The following SCN1A variants were observed in gnomAD, a reference collection of about 807,000 sequenced individuals.
SCN1A encodes sodium channel protein type 1 subunit alpha.
SCN1A carries 13 observed loss-of-function variants against 193.7 expected under a neutral mutation model. The ratio of observed to expected loss-of-function variants is 0.07; its 90% CI spans 0.04 to 0.11. The LOEUF (loss-of-function observed/expected upper bound fraction) is 0.11, where lower values mean the gene tolerates loss of function less well. Among genes scored for constraint, SCN1A ranks in the 10% least tolerant of loss-of-function variants. The pLI is 1.00. For synonymous variants in SCN1A, 781 were observed against 843.6 expected, an observed-to-expected ratio of 0.93 and a Z score of 1.29; for missense variants, 1,432 against 2,451.1, an observed-to-expected ratio of 0.58 and a Z score of 8.78.
intron 18 of SCN1A, 47 bp downstream of exon 18, chr2:166,037,729 G>A (rs1177901857): frequency 6.5e-7 from 1 of 1,543,782 alleles, no homozygotes; most frequent in African/African-American, 1.4e-5. Flanking sequence ...GTATACATGT[G>A]CCATGCTGGT....
At chr2:166,002,983 GT>G in intron 23 of SCN1A, 2 of 320,404 alleles carry the variant, frequency 6.2e-6, no homozygotes, top group East Asian at 5.0e-5. Flanking sequence ...AAACAAAAAT[GT>G]TTTTAAAAAA....
chr2:166,017,200 G>C (rs1185613329), intron 19 of SCN1A, among the ~76,000 whole-genome samples: 2 of 151,430 alleles, frequency 1.3e-5, no homozygotes, highest in Non-Finnish European at 3.0e-5. Flanking sequence ...ACATTAAATA[G>C]GCCTGCATAC....
intron 28 of SCN1A, 160 bp downstream of exon 28, chr2:165,993,986 T>C: frequency 1.6e-6 from 1 of 640,672 alleles, no homozygotes; most frequent in East Asian, 2.7e-5. Flanking sequence ...TGACATATAG[T>C]AGGAGACATT....
chr2:166,035,419 T>C (rs536824773), intron 19 of SCN1A, among the ~76,000 whole-genome samples: 1 of 152,280 alleles, frequency 6.6e-6, no homozygotes, highest in African/African-American at 2.4e-5. Context: ...TTAAATCTTT[T>C]GTTCCTCAGT....
At chr2:166,094,841 C>G (rs765160688) in intron 2 of SCN1A, among the ~76,000 whole-genome samples, 2 of 121,816 alleles carry the variant, frequency 1.6e-5, no homozygotes, top group African/African-American at 6.1e-5. Context: ...CCTGTGTAGT[C>G]TATGGGATCT....
rs182207375 is a variant in SCN1A at position 165,996,154 on chromosome 2, T to C, written c.4477-37A>G. On this transcript the variant is annotated intron_variant, in intron 26 of 28. Transcript: ENST00000674923. ...AAAAATCAAACTGGTTAAAACTGTG[T>C]CCTTTTGTACATTTTTTTCAATGTT... is the stretch of plus-strand genomic sequence containing the variant. 1.2e-3 allele frequency: 1,584 copies of C among 1,305,316 alleles called. 15 individuals are homozygous for C. In the African/African-American group the frequency reaches 0.02, roughly 17 times the overall value. 80.9% of individuals were successfully genotyped at this position (1,305,316 alleles called of 1,614,324 possible). A position where few individuals can be genotyped will look rare whatever the true frequency, so the allele number is the denominator to read the frequency against.
chr2:166,039,255 A>G (rs1452085233), intron 17 of SCN1A, among the ~76,000 whole-genome samples, 168 bp downstream of exon 17: 1 of 152,202 alleles, frequency 6.6e-6, no homozygotes, highest in East Asian at 1.9e-4. Flanking sequence ...GTTTTCATAA[A>G]TAATTGAGAA....
intron 20 of SCN1A, 139 bp downstream of exon 20, chr2:166,015,468 G>T: frequency 2.0e-6 from 2 of 1,009,612 alleles, no homozygotes; most frequent in African/African-American, 1.6e-5. Flanking sequence ...AAGTTTTTTT[G>T]TCTGTCAACA....
intron 2 of SCN1A, among the ~76,000 whole-genome samples, chr2:166,118,686 G>A (rs473402): frequency 0.93 from 141,760 of 152,108 alleles, 66,331 homozygotes; most frequent in East Asian, 0.98. Flanking sequence ...CTGCTGCCTG[G>A]TAGCATTTGT....
chr2:166,100,432 C>G (rs1379109350), intron 2 of SCN1A, among the ~76,000 whole-genome samples: 3 of 151,368 alleles, frequency 2.0e-5, no homozygotes, highest in African/African-American at 7.3e-5. Context: ...CTAGGCATTA[C>G]CATTCAGGAC....
At chr2:165,985,623 T>TA (rs1192150012), downstream of SCN1A, 1 of 152,140 alleles carries the variant, frequency 6.6e-6, no homozygotes, top group African/African-American at 2.4e-5. Context: ...AATCAATTGA[T>TA]ATTGCAAATT....
chr2:166,096,233 G>T (rs530206977), intron 2 of SCN1A, among the ~76,000 whole-genome samples: 4 of 152,230 alleles, frequency 2.6e-5, no homozygotes, highest in Admixed American at 1.3e-4. Flanking sequence ...TCATTCATAT[G>T]GTAGTCCATA....
intron 4 of SCN1A, among the ~76,000 whole-genome samples, chr2:166,068,638 C>A (rs1305780821): frequency 6.6e-6 from 1 of 152,092 alleles, no homozygotes; most frequent in Non-Finnish European, 1.5e-5. Flanking sequence ...TCTCTCCACC[C>A]AATTTAACAA....
At chr2:166,012,808 G>A (rs1207050725) in intron 21 of SCN1A, among the ~76,000 whole-genome samples, 2 of 150,616 alleles carry the variant, frequency 1.3e-5, no homozygotes, top group East Asian at 3.9e-4. Flanking sequence ...CATACAGTGT[G>A]ACAATGATTA....
intron 22 of SCN1A, 115 bp downstream of exon 22, chr2:166,011,994 G>A: frequency 1.1e-6 from 1 of 890,086 alleles, no homozygotes; most frequent in Non-Finnish European, 1.8e-6. Flanking sequence ...TATGCGTTTA[G>A]TGGTTATTAT....
Position 165,988,328 on chromosome 2 carries a change from A to G in SCN1A, c.*2917T>C, listed in dbSNP as rs1688735656. ...GCTGTTGAATCACCTTGTGTCAGCC[A>G]GGCAGGAGACAGATGGCATGCTGAA... On this transcript the variant is annotated 3_prime_UTR_variant, in exon 29 of 29. Coordinates refer to ENST00000674923, the MANE Select transcript of SCN1A (RefSeq NM_001165963.4). 1 of 152,158 alleles carries G rather than the reference A, an allele frequency of 6.6e-6. No individual in the cohort carries two copies. The highest frequency in any genetic ancestry group is 2.1e-4 in the South Asian group (1 of 4,830). The allele number at this position is 152,158 out of a possible 1,614,324, so 9.4% of individuals were successfully genotyped here.
At chr2:166,096,658 CCATT>C (rs1687419876) in intron 2 of SCN1A, among the ~76,000 whole-genome samples, 1 of 152,100 alleles carries the variant, frequency 6.6e-6, no homozygotes, top group African/African-American at 2.4e-5. Context: ...TAAGTGGTAT[CCATT>C]ATTTTTTTCT....
chr2:166,035,272 A>G (rs1304991392), intron 19 of SCN1A, among the ~76,000 whole-genome samples: 1 of 152,134 alleles, frequency 6.6e-6, no homozygotes, highest in African/African-American at 2.4e-5. Flanking sequence ...TTTCCAGGTT[A>G]TTGTAAGGAT....
chr2:166,015,245 C>A (rs1693116114), intron 20 of SCN1A, among the ~76,000 whole-genome samples: 1 of 151,956 alleles, frequency 6.6e-6, no homozygotes, highest in Non-Finnish European at 1.5e-5. Flanking sequence ...CACTAGCAAT[C>A]CGTTTAGTTT....
Sources: allele counts gnomAD v4.1 joint callset (sites outside exome capture counted in the v4.1 genomes callset), GRCh38; gene constraint gnomAD v4.1.1; transcripts MANE v1.5; gene names NCBI Gene and HGNC (gene_info 2026-07-23, HGNC 2026-07-21).